The following RNF220 variants were observed in gnomAD, a reference collection of about 807,000 sequenced individuals.
The protein encoded by RNF220 is E3 ubiquitin-protein ligase RNF220.
A neutral mutation model predicts 67.1 loss-of-function variants in RNF220; 7 were observed. The ratio of observed to expected loss-of-function variants is 0.10; its 90% CI spans 0.06 to 0.20. The LOEUF is 0.20. RNF220 is among the 10% of genes least tolerant of loss of function. RNF220 has a pLI of 1.00. For synonymous variants in RNF220, 270 were observed against 283.2 expected (o/e 0.95, Z 0.47); for missense variants, 565 against 740.3 (o/e 0.76, Z 2.75).
At chr1:44,632,406 C>CGG in intron 6 of RNF220, 21 bp downstream of exon 6, 1 of 1,439,298 alleles carries the variant, frequency 6.9e-7, no homozygotes, top group Non-Finnish European at 9.4e-7. Flanking sequence ...CCCGGCCCCT[C>CGG]CCTCCGCCCC....
intron 2 of RNF220, among the ~76,000 whole-genome samples, chr1:44,422,224 G>A (rs753289995): frequency 2.6e-5 from 4 of 152,194 alleles, no homozygotes; most frequent in African/African-American, 7.2e-5. Flanking sequence ...GAAAAGGAGC[G>A]GAGTCTGAGA....
At chr1:44,465,732 T>C (rs140326371) in intron 2 of RNF220, among the ~76,000 whole-genome samples, 2 of 152,348 alleles carry the variant, frequency 1.3e-5, no homozygotes, top group East Asian at 3.9e-4. Flanking sequence ...CTGGTGCATA[T>C]AAAAGTTACA....
chr1:44,429,182 TGG>T (rs1174783730), intron 2 of RNF220, among the ~76,000 whole-genome samples: 1 of 151,130 alleles, frequency 6.6e-6, no homozygotes, highest in Non-Finnish European at 1.5e-5. Context: ...AAAAAAAAGC[TGG>T]GGGGAGTAAT....
At chr1:44,434,846 C>T (rs1299817603) in intron 2 of RNF220, among the ~76,000 whole-genome samples, 1 of 150,696 alleles carries the variant, frequency 6.6e-6, no homozygotes, top group East Asian at 1.9e-4. Context: ...CATAGCAACA[C>T]TCCATTTCTA....
chr1:44,522,002 G>T (rs988712055), intron 2 of RNF220, among the ~76,000 whole-genome samples: 1 of 152,174 alleles, frequency 6.6e-6, no homozygotes, highest in Non-Finnish European at 1.5e-5. Context: ...TGAGTGTTTG[G>T]TCAACTGCCA....
chr1:44,615,723 A>G (rs1210362508), intron 3 of RNF220, among the ~76,000 whole-genome samples: 1 of 152,222 alleles, frequency 6.6e-6, no homozygotes, highest in African/African-American at 2.4e-5. Flanking sequence ...CCCAGCACAG[A>G]GCAAAGAAGG....
chr1:44,495,585 G>C (rs1657272463), intron 2 of RNF220, among the ~76,000 whole-genome samples: 1 of 152,144 alleles, frequency 6.6e-6, no homozygotes, highest in South Asian at 2.1e-4. Flanking sequence ...ACAGGTGTGC[G>C]CCACCATGTC....
At chr1:44,508,778 C>T (rs774473137) in intron 2 of RNF220, among the ~76,000 whole-genome samples, 39 of 152,356 alleles carry the variant, frequency 2.6e-4, no homozygotes, top group Middle Eastern at 3.4e-3. Context: ...TCTTTAGACC[C>T]TCGTGGTGGA....
intron 2 of RNF220, among the ~76,000 whole-genome samples, chr1:44,580,777 T>C (rs1665217930): frequency 6.6e-6 from 1 of 152,250 alleles, no homozygotes; most frequent in African/African-American, 2.4e-5. Context: ...TGGAAGCTGC[T>C]GAGTGCCACA....
chr1:44,524,151 T>C (rs1660168957), intron 2 of RNF220, among the ~76,000 whole-genome samples: 1 of 152,000 alleles, frequency 6.6e-6, no homozygotes, highest in Non-Finnish European at 1.5e-5. Context: ...TTGCACTGGC[T>C]CCTCTCAGCA....
At chr1:44,573,662 T>C (rs1463261397) in intron 2 of RNF220, among the ~76,000 whole-genome samples, 1 of 152,128 alleles carries the variant, frequency 6.6e-6, no homozygotes, top group Admixed American at 6.5e-5. Flanking sequence ...GATAGAAAAT[T>C]TGGAATTAAT....
At chr1:44,618,131 C>G (rs1643638845) in intron 3 of RNF220, among the ~76,000 whole-genome samples, 1 of 152,214 alleles carries the variant, frequency 6.6e-6, no homozygotes, top group Non-Finnish European at 1.5e-5. Flanking sequence ...CACCTCCTGC[C>G]TCCCTTTGCC....
At chr1:44,627,894 G>C (rs549990829) in intron 5 of RNF220, among the ~76,000 whole-genome samples, 28 of 152,368 alleles carry the variant, frequency 1.8e-4, no homozygotes, top group African/African-American at 6.0e-4. Flanking sequence ...AGGGTGCAGA[G>C]CTTGGAGAGT....
chr1:44,532,846 T>C (rs1273096653), intron 2 of RNF220, among the ~76,000 whole-genome samples: 1 of 152,198 alleles, frequency 6.6e-6, no homozygotes, highest in African/African-American at 2.4e-5. Context: ...CAGAAGGGTA[T>C]ACTGAGGCTT....
chr1:44,573,002 G>C, intron 2 of RNF220: 1 of 412,930 alleles, frequency 2.4e-6, no homozygotes, highest in Non-Finnish European at 4.9e-6. Context: ...GGCCCTCAAA[G>C]AAGAAAGCAC....
At chr1:44,462,089 G>A (rs1653832315) in intron 2 of RNF220, among the ~76,000 whole-genome samples, 1 of 151,320 alleles carries the variant, frequency 6.6e-6, no homozygotes, top group South Asian at 2.1e-4. Context: ...CACTATGCCC[G>A]GCTAATTTTT....
chr1:44,587,622 G>A (rs994083768), intron 2 of RNF220, among the ~76,000 whole-genome samples: 2 of 152,156 alleles, frequency 1.3e-5, no homozygotes, highest in Admixed American at 1.3e-4. Flanking sequence ...CTGTAGTCTA[G>A]CTCTCTGGTG....
In RNF220 at chr1:44,507,424, C is replaced by A. The variant is rs146983086; in HGVS notation, c.625+94702C>A. Among the ~76,000 whole-genome samples the A allele has an allele frequency of 5.3e-5, 8 of 151,652 alleles. No homozygotes were observed. The East Asian group carries it at 1.2e-3, about 22-fold the overall frequency. On this transcript the variant is annotated intron_variant, in intron 2 of 14. Coordinates refer to ENST00000361799, the MANE Select transcript of RNF220 (RefSeq NM_018150.4). ...CGGAAATTTGAACAAAGTGGAGAAC[C>A]TGGGATGAAAGGAGAAATGCTGCGG...
intron 2 of RNF220, among the ~76,000 whole-genome samples, chr1:44,502,725 G>A (rs1031359598): frequency 6.6e-6 from 1 of 151,724 alleles, no homozygotes; most frequent in Non-Finnish European, 1.5e-5. Flanking sequence ...TTTGACAAGC[G>A]AATACTACAG....
Sources: gnomAD v4.1 joint callset for allele counts (sites outside exome capture counted in the v4.1 genomes callset) on GRCh38, gnomAD v4.1.1 for gene constraint, MANE v1.5 for transcripts, NCBI Gene and HGNC (gene_info 2026-07-23, HGNC 2026-07-21) for gene names.